Variants in FTCDNL1 observed in about 807,000 individuals in gnomAD.
FTCDNL1 encodes the protein formiminotransferase N-terminal subdomain-containing protein.
FTCDNL1 carries 11 observed loss-of-function variants against 5.9 expected under a neutral mutation model. The observed-to-expected ratio is 1.87, with a 90% CI of 1.18 to 3.10. The LOEUF (loss-of-function observed/expected upper bound fraction) is 3.10, where lower values mean the gene tolerates loss of function less well. FTCDNL1 is among the 30% of genes most tolerant of loss of function. The pLI is 0.00. For synonymous variants in FTCDNL1, 58 were observed against 24.8 expected (o/e 2.34, Z -3.99); for missense variants, 115 against 65.5 (o/e 1.76, Z -2.61).
chr2:199,812,859 T>G, intron 4 of FTCDNL1, 135 bp from the exon 5 acceptor site: 1 of 590,332 alleles, frequency 1.7e-6, no homozygotes, highest in Non-Finnish European at 3.0e-6. Context: ...AAACTGAGAT[T>G]CAGTCGCTAT....
At chr2:199,774,852 G>A (rs1698982566) in intron 3 of FTCDNL1, among the ~76,000 whole-genome samples, 1 of 152,066 alleles carries the variant, frequency 6.6e-6, no homozygotes, top group African/African-American at 2.4e-5. Context: ...TCAAATTACT[G>A]ATTACTGACT....
intron 3 of FTCDNL1, among the ~76,000 whole-genome samples, chr2:199,803,621 C>T (rs759949850): frequency 2.7e-4 from 41 of 152,132 alleles, no homozygotes; most frequent in African/African-American, 7.7e-4. Context: ...TGTATCACCA[C>T]GCCTGGCTAA....
At chr2:199,679,737 A>G in the FTCDNL1 span, among the ~76,000 whole-genome samples, 1 of 151,896 alleles carries the variant, frequency 6.6e-6, no homozygotes, top group Admixed American at 6.6e-5. Flanking sequence ...TTTGATTTTC[A>G]TTGTGTGAGA....
chr2:199,845,999 C>T lies in FTCDNL1; in HGVS notation c.211+76G>A, dbSNP rs2076723120. ...GAGTATTCATATTTACAGAGGAAAT[C>T]AATGATTAGAGAATGTTCAGGTCTA... On this transcript the variant is annotated intron_variant, in intron 3 of 4. Transcript: ENST00000420128. 8.4e-6 allele frequency: 5 copies of T among 592,854 alleles called. No homozygotes were observed. In the Admixed American group the frequency reaches 8.6e-5, roughly 10 times the overall value. The allele number at this position is 592,854 out of a possible 1,614,324, so 36.7% of individuals were successfully genotyped here.
chr2:199,676,951 C>G, the FTCDNL1 span, among the ~76,000 whole-genome samples: 1 of 152,098 alleles, frequency 6.6e-6, no homozygotes, highest in African/African-American at 2.4e-5. Flanking sequence ...ACATACTTGA[C>G]TTTGCTAAAG....
At chr2:199,723,827 A>G in the FTCDNL1 span, among the ~76,000 whole-genome samples, 3 of 152,120 alleles carry the variant, frequency 2.0e-5, no homozygotes, top group Admixed American at 6.5e-5. Flanking sequence ...TTCATCAGGG[A>G]TATTGGCGTG....
the FTCDNL1 span, among the ~76,000 whole-genome samples, chr2:199,730,851 C>T: frequency 1.3e-5 from 2 of 152,212 alleles, no homozygotes; most frequent in Admixed American, 6.5e-5. Flanking sequence ...GGGTATATAC[C>T]CAAAGGATTA....
In FTCDNL1 at chr2:199,809,750, C is replaced by T. The variant is rs1700927397; in HGVS notation, c.*2955G>A. Among the ~76,000 whole-genome samples, 1 of 152,142 alleles carries T rather than the reference C, an allele frequency of 6.6e-6. No homozygotes were observed. Among genetic ancestry groups the T allele is most frequent in the African/African-American group, 2.4e-5 (1 of 41,424 alleles). ...GAAGTCATGCCCAACACCATCATGC[C>T]ATCTCCCCAATATAAACATTTCAAA... On this transcript the variant is annotated 3_prime_UTR_variant, in exon 5 of 5. Transcript: ENST00000420128.
Position 199,790,201 on chromosome 2 carries a change from A to G in FTCDNL1, c.212-29366T>C, listed in dbSNP as rs571038460. ...AAGGCAAAAGAGACACAGTGGCTAT[A>G]AGAAAAAAAAATGCGGCTGGGCGCG... On this transcript the variant is annotated intron_variant, in intron 3 of 3. Transcript: ENST00000416668. Among the ~76,000 whole-genome samples, 5 of 152,234 alleles carry G rather than the reference A, an allele frequency of 3.3e-5. 1 individual carries two copies. The South Asian group carries it at 6.2e-4, about 19-fold the overall frequency.
chr2:199,713,355 A>G, the FTCDNL1 span, among the ~76,000 whole-genome samples: 2 of 152,182 alleles, frequency 1.3e-5, no homozygotes, highest in Non-Finnish European at 2.9e-5. Context: ...ACAAAGGACA[A>G]TGATCCTTGA....
chr2:199,753,562 C>T, the FTCDNL1 span, among the ~76,000 whole-genome samples: 2 of 152,214 alleles, frequency 1.3e-5, no homozygotes. Flanking sequence ...GGAGAATACA[C>T]ATGGGGAGCC....
the FTCDNL1 span, among the ~76,000 whole-genome samples, chr2:199,717,537 G>A: frequency 3.7e-5 from 1 of 27,370 alleles, no homozygotes; most frequent in Non-Finnish European, 7.2e-5. Context: ...TTTTTTTTTT[G>A]CTTCCTCACA....
the FTCDNL1 span, among the ~76,000 whole-genome samples, chr2:199,715,796 G>A: frequency 6.6e-5 from 10 of 152,036 alleles, no homozygotes; most frequent in African/African-American, 2.2e-4. Flanking sequence ...AATGGGGCAA[G>A]AATAATGGAG....
the FTCDNL1 span, among the ~76,000 whole-genome samples, chr2:199,683,080 A>T: frequency 6.6e-6 from 1 of 152,026 alleles, no homozygotes; most frequent in South Asian, 2.1e-4. Flanking sequence ...CCACTGTACA[A>T]CTCCATTCAG....
At chr2:199,711,726 A>G in the FTCDNL1 span, among the ~76,000 whole-genome samples, 1 of 152,296 alleles carries the variant, frequency 6.6e-6, no homozygotes, top group South Asian at 2.1e-4. Flanking sequence ...ACTAGAAGGG[A>G]CATTGCAGTC....
chr2:199,747,162 T>C, the FTCDNL1 span, among the ~76,000 whole-genome samples: 3 of 152,084 alleles, frequency 2.0e-5, no homozygotes, highest in African/African-American at 4.8e-5. Flanking sequence ...ATCAGGAACA[T>C]GTGGATTAAA....
Position 199,812,719 on chromosome 2 carries a change from A to C in FTCDNL1, c.403T>G (p.Phe135Val), listed in dbSNP as rs1035950974. Residue 135 changes from phenylalanine to valine, a missense_variant, in exon 5 of 5, where the codon TTC becomes GTC. Phe to Val is a conservative substitution (Grantham distance 50). Coordinates refer to ENST00000420128, the MANE Select transcript of FTCDNL1 (RefSeq NM_001363886.2). ...PSQRCGLTAC[F>V]RAL Reference sequence around the variant, plus strand: ...CAACACAACTGTCACAACGCCCTGAAGCAAGCTAAAAACAAGGAAAAAAAT... The same window carrying C: ...CAACACAACTGTCACAACGCCCTGACGCAAGCTAAAAACAAGGAAAAAAAT... 42 of 699,010 alleles carry C rather than the reference A, an allele frequency of 6.0e-5. No individual in the cohort carries two copies. The East Asian group carries it at 1.1e-3, about 19-fold the overall frequency. The allele number at this position is 699,010 out of a possible 1,614,324, so 43.3% of individuals were successfully genotyped here. A position where few individuals can be genotyped will look rare whatever the true frequency, so the allele number is the denominator to read the frequency against.
chr2:199,719,636 TTTG>T, the FTCDNL1 span, among the ~76,000 whole-genome samples: 573 of 151,604 alleles, frequency 3.8e-3, 6 homozygotes, highest in African/African-American at 0.013. Flanking sequence ...TTTTGTTTTG[TTTG>T]TTGTTGTTGT....
chr2:199,707,103 CACTT>C, the FTCDNL1 span, among the ~76,000 whole-genome samples: 1 of 152,164 alleles, frequency 6.6e-6, no homozygotes, highest in Non-Finnish European at 1.5e-5. Flanking sequence ...TGATAATGGA[CACTT>C]AGTTACTTAA....
Sources: allele counts gnomAD v4.1 joint callset (sites outside exome capture counted in the v4.1 genomes callset), GRCh38; gene constraint gnomAD v4.1.1; transcripts MANE v1.5; gene names NCBI Gene and HGNC (gene_info 2026-07-23, HGNC 2026-07-21).